The following GAP43 variants were observed in gnomAD, a reference collection of about 807,000 sequenced individuals.
GAP43 encodes the protein neuromodulin.
GAP43 carries 6 observed loss-of-function variants against 18.6 expected under a neutral mutation model. The ratio of observed to expected loss-of-function variants is 0.32; its 90% CI spans 0.18 to 0.64. The LOEUF is 0.64. Ranked by LOEUF, GAP43 falls within the 30% of genes least tolerant of loss-of-function variation. GAP43 has a pLI of 0.78. For synonymous variants in GAP43, 115 were observed against 111.4 expected (o/e 1.03, Z -0.20); for missense variants, 292 against 295.5 (o/e 0.99, Z 0.09).
intron 1 of GAP43, among the ~76,000 whole-genome samples, chr3:115,648,262 C>T (rs1708481119): frequency 6.6e-6 from 1 of 152,058 alleles, no homozygotes; most frequent in Non-Finnish European, 1.5e-5. Flanking sequence ...CTGCTTCTGA[C>T]TCCTTCAGGT....
chr3:115,679,585 G>A (rs1008806675), intron 2 of GAP43, among the ~76,000 whole-genome samples: 1 of 152,206 alleles, frequency 6.6e-6, no homozygotes, highest in Non-Finnish European at 1.5e-5. Context: ...TCAGTCATGA[G>A]TAGAGAACTT....
At chr3:115,640,844 A>G (rs550037167) in intron 1 of GAP43, among the ~76,000 whole-genome samples, 1 of 152,060 alleles carries the variant, frequency 6.6e-6, no homozygotes, top group South Asian at 2.1e-4. Flanking sequence ...AGCTTTTATT[A>G]CCACCTAACA....
At chr3:115,689,935 G>C (rs1006589198) in intron 2 of GAP43, among the ~76,000 whole-genome samples, 1 of 152,210 alleles carries the variant, frequency 6.6e-6, no homozygotes, top group Non-Finnish European at 1.5e-5. Flanking sequence ...GAGAAGCAGG[G>C]CTGGAGGGGC....
Position 115,676,061 on chromosome 3 carries a change from C to T in GAP43, c.79C>T (p.Pro27Ser), listed in dbSNP as rs1451687314. Residue 27 changes from proline (P) to serine (S), a missense_variant, in exon 2 of 3, where the codon CCA becomes TCA. Physicochemically the swap from Pro to Ser is moderately conservative, Grantham distance 74. Coordinates refer to ENST00000305124, the MANE Select transcript of GAP43 (RefSeq NM_002045.4). ...AAAGATTGAACAAGATGGTATCAAA[C>T]CAGAAGATAAAGCTCATAAGGCCGC... is the stretch of plus-strand genomic sequence containing the variant. ...DQKIEQDGIK[P>S]EDKAHKAATK... 2 of 1,613,660 alleles carry T rather than the reference C, an allele frequency of 1.2e-6. No homozygotes were observed. Among genetic ancestry groups the T allele is most frequent in the Admixed American group, 1.7e-5 (1 of 59,928 alleles).
At chr3:115,697,379 C>T (rs558829323) in intron 2 of GAP43, among the ~76,000 whole-genome samples, 9 of 152,280 alleles carry the variant, frequency 5.9e-5, no homozygotes, top group East Asian at 5.8e-4. Context: ...ACTTCCTCTC[C>T]GCCACCTAAG....
intron 1 of GAP43, among the ~76,000 whole-genome samples, chr3:115,659,200 G>A (rs1389153172): frequency 6.6e-6 from 1 of 152,186 alleles, no homozygotes; most frequent in African/African-American, 2.4e-5. Flanking sequence ...TCTGTCTTTA[G>A]AAGACAGCAC....
At chr3:115,675,812 G>A (rs1393189985) in intron 1 of GAP43, among the ~76,000 whole-genome samples, 8 of 134,980 alleles carry the variant, frequency 5.9e-5, no homozygotes, top group South Asian at 2.5e-4. Context: ...TGGAAGGTCC[G>A]AAAGACATTA....
intron 1 of GAP43, among the ~76,000 whole-genome samples, chr3:115,629,959 G>A (rs115255634): frequency 0.05 from 7,592 of 152,226 alleles, 206 homozygotes; most frequent in Middle Eastern, 0.075. Flanking sequence ...TTTAATAAAA[G>A]CAGCCACAAA....
At chr3:115,632,203 A>T (rs2107465630) in intron 1 of GAP43, among the ~76,000 whole-genome samples, 1 of 152,000 alleles carries the variant, frequency 6.6e-6, no homozygotes, top group South Asian at 2.1e-4. Flanking sequence ...CAGCACTAAG[A>T]TGGCCAGGCA....
intron 2 of GAP43, among the ~76,000 whole-genome samples, chr3:115,708,849 G>A (rs1709398006): frequency 6.6e-6 from 1 of 151,420 alleles, no homozygotes; most frequent in Admixed American, 6.6e-5. Context: ...TACAAGGAAT[G>A]TAGGACATCT....
At chr3:115,709,829 G>A (rs887300271) in intron 2 of GAP43, among the ~76,000 whole-genome samples, 1 of 131,944 alleles carries the variant, frequency 7.6e-6, no homozygotes. Context: ...CATTTTGCAA[G>A]TATACATGAA....
At chr3:115,662,191 G>C (rs1014088168) in intron 1 of GAP43, among the ~76,000 whole-genome samples, 21 of 152,114 alleles carry the variant, frequency 1.4e-4, no homozygotes, top group African/African-American at 5.1e-4. Flanking sequence ...TAGAGTTTCT[G>C]ACATTTGGTA....
At chr3:115,699,587 T>A (rs917102056) in intron 2 of GAP43, among the ~76,000 whole-genome samples, 1 of 152,120 alleles carries the variant, frequency 6.6e-6, no homozygotes, top group African/African-American at 2.4e-5. Flanking sequence ...CAGCAGGCAT[T>A]AATACCAACA....
At chr3:115,658,461 G>T (rs1708614430) in intron 1 of GAP43, 1 of 152,196 alleles carries the variant, frequency 6.6e-6, no homozygotes. Flanking sequence ...TCCCTCGGCG[G>T]CTCTGCAGTG....
intron 1 of GAP43, among the ~76,000 whole-genome samples, chr3:115,659,183 G>T (rs962416563): frequency 6.6e-6 from 1 of 152,144 alleles, no homozygotes; most frequent in African/African-American, 2.4e-5. Flanking sequence ...AAACTAAACA[G>T]CAATGCTCTG....
chr3:115,671,074 G>T (rs763770782), intron 1 of GAP43, among the ~76,000 whole-genome samples: 5 of 152,184 alleles, frequency 3.3e-5, no homozygotes, highest in Non-Finnish European at 7.4e-5. Flanking sequence ...GCATTCCTAT[G>T]ATAACTGGGA....
intron 1 of GAP43, among the ~76,000 whole-genome samples, chr3:115,638,162 C>T (rs1708353671): frequency 6.6e-6 from 1 of 152,002 alleles, no homozygotes. Flanking sequence ...CCCTCAGCAG[C>T]CAGAGTGCTA....
chr3:115,642,431 C>T (rs1227000187), intron 1 of GAP43, among the ~76,000 whole-genome samples: 2 of 150,572 alleles, frequency 1.3e-5, no homozygotes, highest in Non-Finnish European at 3.0e-5. Context: ...TAAAGAAACA[C>T]TCTTTACCCT....
At chr3:115,628,162 T>A (rs1708214935) in intron 1 of GAP43, among the ~76,000 whole-genome samples, 1 of 152,094 alleles carries the variant, frequency 6.6e-6, no homozygotes, top group African/African-American at 2.4e-5. Context: ...GCCTGCTGTG[T>A]CTACCTTTCC....
Sources: gnomAD v4.1 joint callset for allele counts (sites outside exome capture counted in the v4.1 genomes callset) on GRCh38, gnomAD v4.1.1 for gene constraint, MANE v1.5 for transcripts, NCBI Gene and HGNC (gene_info 2026-07-23, HGNC 2026-07-21) for gene names.